The following CNBD1 variants were observed in gnomAD, a reference collection of about 807,000 sequenced individuals.
CNBD1 encodes cyclic nucleotide-binding domain-containing protein 1.
CNBD1 carries 71 observed loss-of-function variants against 54.4 expected under a neutral mutation model. That is an observed-to-expected ratio of 1.30 (90% CI 1.08 to 1.59). The LOEUF is 1.59. Among genes scored for constraint, CNBD1 ranks in the 40% most tolerant of loss-of-function variants. The probability of loss-of-function intolerance (pLI) is 0.00; values close to 1 mark genes in which losing one functional copy is unlikely to be tolerated. For synonymous variants in CNBD1, 182 were observed against 170.7 expected (o/e 1.07, Z -0.51); for missense variants, 659 against 518.0 (o/e 1.27, Z -2.64).
downstream of CNBD1, among the ~76,000 whole-genome samples, chr8:87,385,400 A>T (rs1811162750): frequency 6.6e-6 from 1 of 152,102 alleles, no homozygotes; most frequent in South Asian, 2.1e-4. Flanking sequence ...GCACCTGGAA[A>T]ATCGGGTCAC....
chr8:87,370,882 T>A (rs1293308290), intron 10 of CNBD1, among the ~76,000 whole-genome samples: 1 of 151,268 alleles, frequency 6.6e-6, no homozygotes, highest in Non-Finnish European at 1.5e-5. Flanking sequence ...AAGTCTTTAG[T>A]CCATCTTGAA....
At chr8:86,924,343 T>A (rs1400084482) in intron 3 of CNBD1, among the ~76,000 whole-genome samples, 4 of 152,158 alleles carry the variant, frequency 2.6e-5, no homozygotes, top group Non-Finnish European at 5.9e-5. Flanking sequence ...AGGCAAATTG[T>A]CTACAGAATG....
intron 10 of CNBD1, among the ~76,000 whole-genome samples, chr8:87,357,356 C>G (rs1280715883): frequency 1.3e-5 from 2 of 152,170 alleles, no homozygotes; most frequent in African/African-American, 2.4e-5. Context: ...AACTCCAACC[C>G]ATGAAAGAAG....
At chr8:86,897,861 T>C (rs75124954) in intron 2 of CNBD1, among the ~76,000 whole-genome samples, 13,554 of 152,108 alleles carry the variant, frequency 0.089, 844 homozygotes, top group African/African-American at 0.18. Context: ...AAGTACCTCT[T>C]AGTATTTTAC....
At chr8:87,156,887 A>G (rs1012954687) in intron 4 of CNBD1, among the ~76,000 whole-genome samples, 5 of 152,188 alleles carry the variant, frequency 3.3e-5, no homozygotes, top group African/African-American at 1.2e-4. Flanking sequence ...AGAATTCTAT[A>G]TGCATTTGGG....
intron 4 of CNBD1, among the ~76,000 whole-genome samples, chr8:87,099,328 G>C (rs925912209): frequency 6.6e-6 from 1 of 152,098 alleles, no homozygotes; most frequent in African/African-American, 2.4e-5. Context: ...TCACTGTAAA[G>C]ACTTAAACTT....
intron 10 of CNBD1, among the ~76,000 whole-genome samples, chr8:87,381,576 A>G (rs996328808): frequency 6.6e-6 from 1 of 152,068 alleles, no homozygotes; most frequent in Non-Finnish European, 1.5e-5. Context: ...TAGCAGTACC[A>G]TGTTAATTGC....
chr8:87,177,127 A>C (rs1554563841), intron 4 of CNBD1, among the ~76,000 whole-genome samples: 1 of 152,202 alleles, frequency 6.6e-6, no homozygotes, highest in Non-Finnish European at 1.5e-5. Context: ...CTGCACTGAA[A>C]AATTTAAAGG....
At chr8:87,361,135 T>C (rs1041594633) in intron 10 of CNBD1, among the ~76,000 whole-genome samples, 1 of 151,954 alleles carries the variant, frequency 6.6e-6, no homozygotes, top group Non-Finnish European at 1.5e-5. Flanking sequence ...AAAATTTTGA[T>C]ATATGCAATT....
chr8:86,986,175 G>A lies in CNBD1; in HGVS notation c.431+46421G>A, dbSNP rs567638904. On this transcript the variant is annotated intron_variant, in intron 4 of 10. Transcript: ENST00000518476. ...GAACTCCTGACTTCGTGATCTGCCTGCCTCAGCCTCCCAAAGTGCTGCGAT... is the reference window on the plus strand; with the variant it reads ...GAACTCCTGACTTCGTGATCTGCCTACCTCAGCCTCCCAAAGTGCTGCGAT... Among the ~76,000 whole-genome samples the A allele has an allele frequency of 2.6e-5, 4 of 152,232 alleles. 1 individual carries two copies. In the South Asian group the frequency reaches 8.3e-4, roughly 32 times the overall value.
At chr8:87,358,721 G>C (rs557930851) in intron 10 of CNBD1, among the ~76,000 whole-genome samples, 1 of 152,262 alleles carries the variant, frequency 6.6e-6, no homozygotes, top group African/African-American at 2.4e-5. Context: ...GGTTGTGTCT[G>C]AAGGTCTGAA....
chr8:87,380,104 T>C (rs1184573421), intron 10 of CNBD1, among the ~76,000 whole-genome samples: 1 of 151,944 alleles, frequency 6.6e-6, no homozygotes, highest in East Asian at 1.9e-4. Flanking sequence ...GTTTGCTTAT[T>C]ATAATTACAT....
In CNBD1 at chr8:86,953,938, G is replaced by A. The variant is rs191882788; in HGVS notation, c.431+14184G>A. 2.0e-5 allele frequency among the ~76,000 whole-genome samples: 3 copies of A among 152,268 alleles called. No homozygotes were observed. In the East Asian group the frequency reaches 5.8e-4, roughly 29 times the overall value. On this transcript the variant is annotated intron_variant, in intron 4 of 10. Transcript: ENST00000518476. ...GTTTATCACTCCTTTGGACACTCCA[G>A]GGGCTCTCTTTAGCATTGAAATGCT...
chr8:87,423,281 T>G (rs1807978843), intron 2 of CNBD1, among the ~76,000 whole-genome samples: 1 of 150,204 alleles, frequency 6.7e-6, no homozygotes, highest in Non-Finnish European at 1.5e-5. Context: ...TTCTCCTGCC[T>G]AATTGCCCTG....
At chr8:87,080,616 A>G (rs1418859878) in intron 4 of CNBD1, among the ~76,000 whole-genome samples, 1 of 152,134 alleles carries the variant, frequency 6.6e-6, no homozygotes, top group Non-Finnish European at 1.5e-5. Context: ...ACTTTCTGCA[A>G]ATGATTATTT....
At chr8:87,332,890 T>A (rs7813217) in intron 8 of CNBD1, among the ~76,000 whole-genome samples, 42,826 of 152,008 alleles carry the variant, frequency 0.28, 6,740 homozygotes, top group Middle Eastern at 0.41. Context: ...TTTAAAGTAG[T>A]TTTTTCTAAT....
intron 4 of CNBD1, among the ~76,000 whole-genome samples, chr8:87,106,197 TTTTTC>T (rs532821414): frequency 6.6e-5 from 10 of 152,000 alleles, no homozygotes; most frequent in South Asian, 2.1e-4. Flanking sequence ...TTTCCTTTTC[TTTTTC>T]TTTTCTTTTC....
chr8:87,419,996 A>G (rs145556388), intron 2 of CNBD1, among the ~76,000 whole-genome samples: 635 of 150,092 alleles, frequency 4.2e-3, no homozygotes, highest in African/African-American at 0.015. Flanking sequence ...ATATGTAAGT[A>G]TATTGAATCC....
At chr8:87,366,860 A>G (rs1810652711) in intron 10 of CNBD1, among the ~76,000 whole-genome samples, 1 of 152,108 alleles carries the variant, frequency 6.6e-6, no homozygotes, top group Admixed American at 6.6e-5. Flanking sequence ...CTTAATTGTT[A>G]CTGTTATAAA....
Sources: allele counts gnomAD v4.1 joint callset (sites outside exome capture counted in the v4.1 genomes callset), GRCh38; gene constraint gnomAD v4.1.1; transcripts MANE v1.5; gene names NCBI Gene and HGNC (gene_info 2026-07-23, HGNC 2026-07-21).